Variants in ZBTB20 observed in about 807,000 individuals in gnomAD.
ZBTB20 encodes zinc finger and BTB domain-containing protein 20.
Under a neutral mutation model 56.9 loss-of-function variants are expected in ZBTB20, and 9 were observed. The ratio of observed to expected loss-of-function variants is 0.16; its 90% CI spans 0.10 to 0.28. ZBTB20 has a LOEUF of 0.28. ZBTB20 is among the 10% of genes least tolerant of loss of function. ZBTB20 has a pLI of 1.00. For missense variants in ZBTB20, 655 were observed against 1,003.0 expected, an observed-to-expected ratio of 0.65 and a Z score of 4.69; for synonymous variants, 417 against 420.7, an observed-to-expected ratio of 0.99 and a Z score of 0.11.
intron 3 of ZBTB20, among the ~76,000 whole-genome samples, chr3:114,937,246 C>G (rs933754347): frequency 6.6e-6 from 1 of 152,096 alleles, no homozygotes; most frequent in Non-Finnish European, 1.5e-5. Flanking sequence ...AGTGTAAAAG[C>G]GTTCTTATTT....
intron 5 of ZBTB20, among the ~76,000 whole-genome samples, chr3:114,726,735 AC>A (rs34132105): frequency 0.061 from 9,245 of 151,758 alleles, 287 homozygotes; most frequent in Middle Eastern, 0.13. Context: ...ACATGGTGAA[AC>A]CCCGTCTCTA....
At chr3:114,605,479 T>G (rs976447595) in intron 6 of ZBTB20, among the ~76,000 whole-genome samples, 5 of 152,208 alleles carry the variant, frequency 3.3e-5, no homozygotes, top group Admixed American at 6.5e-5. Context: ...TAGGGAGTAT[T>G]CATTCAATCA....
intron 6 of ZBTB20, among the ~76,000 whole-genome samples, chr3:114,592,622 T>A (rs748676094): frequency 6.6e-6 from 1 of 152,226 alleles, no homozygotes; most frequent in South Asian, 2.1e-4. Context: ...TAGAGCACCA[T>A]TTGTGCAAGA....
At chr3:115,055,522 A>G (rs189907901) in intron 2 of ZBTB20, among the ~76,000 whole-genome samples, 4 of 152,162 alleles carry the variant, frequency 2.6e-5, no homozygotes, top group African/African-American at 9.7e-5. Context: ...GTAATTTGTT[A>G]TATGACAATA....
intron 7 of ZBTB20, among the ~76,000 whole-genome samples, chr3:114,489,453 T>A (rs1392736590): frequency 1.3e-5 from 2 of 152,308 alleles, no homozygotes; most frequent in East Asian, 3.9e-4. Flanking sequence ...GGGGGCTTTA[T>A]GTGATATTAT....
chr3:114,711,892 C>T lies in ZBTB20; in HGVS notation c.-342-18317G>A, dbSNP rs534049341. Among the ~76,000 whole-genome samples the T allele has an allele frequency of 4.6e-5, 7 of 152,262 alleles. No homozygotes were observed. The South Asian group carries it at 8.3e-4, about 18-fold the overall frequency. On this transcript the variant is annotated intron_variant, in intron 5 of 11. Transcript: ENST00000675478. ...CTATTCTTCTATGTCTAAGCTTTGA[C>T]GATGCGCTATATAAAATTCATTCTT...
intron 6 of ZBTB20, among the ~76,000 whole-genome samples, chr3:114,602,764 C>T (rs1333450198): frequency 6.6e-6 from 1 of 151,862 alleles, no homozygotes; most frequent in African/African-American, 2.4e-5. Flanking sequence ...TATAAAACTC[C>T]CCCCAAAAAC....
At chr3:114,918,467 T>C (rs1219562165) in intron 3 of ZBTB20, among the ~76,000 whole-genome samples, 1 of 152,104 alleles carries the variant, frequency 6.6e-6, no homozygotes, top group Non-Finnish European at 1.5e-5. Flanking sequence ...GGGAATGTTC[T>C]GGATCACACC....
At chr3:114,883,493 T>C (rs7646282) in intron 4 of ZBTB20, among the ~76,000 whole-genome samples, 6,740 of 152,296 alleles carry the variant, frequency 0.044, 214 homozygotes, top group Non-Finnish European at 0.071. Flanking sequence ...CTCTCATATA[T>C]ACAAAATAAT....
At chr3:114,665,548 C>T (rs980262242) in intron 6 of ZBTB20, among the ~76,000 whole-genome samples, 1 of 151,914 alleles carries the variant, frequency 6.6e-6, no homozygotes, top group African/African-American at 2.4e-5. Flanking sequence ...AAAATTTTGG[C>T]ACTCATTAAG....
chr3:114,508,116 A>T (rs1398059749), intron 6 of ZBTB20, among the ~76,000 whole-genome samples: 2 of 152,198 alleles, frequency 1.3e-5, no homozygotes, highest in African/African-American at 4.8e-5. Context: ...TTGAAGGTCC[A>T]GAAAGTAATA....
At chr3:114,731,705 C>T (rs1324707676) in intron 5 of ZBTB20, among the ~76,000 whole-genome samples, 2 of 151,736 alleles carry the variant, frequency 1.3e-5, no homozygotes, top group African/African-American at 2.4e-5. Flanking sequence ...GTAACTAACC[C>T]GGCTGTACCT....
chr3:114,373,160 C>T (rs759198697), intron 10 of ZBTB20, among the ~76,000 whole-genome samples: 13 of 152,172 alleles, frequency 8.5e-5, no homozygotes, highest in Non-Finnish European at 1.6e-4. Flanking sequence ...ATGATCTGGC[C>T]GCCTTGGTCT....
intron 1 of ZBTB20, among the ~76,000 whole-genome samples, chr3:115,129,319 T>C (rs1399715605): frequency 6.6e-6 from 1 of 152,216 alleles, no homozygotes; most frequent in Non-Finnish European, 1.5e-5. Flanking sequence ...CATTCATCCA[T>C]TCAATTTTCT....
Position 114,380,309 on chromosome 3 carries a change from A to T in ZBTB20, c.107T>A (p.Leu36Gln). Residue 36 changes from leucine (L) to glutamine (Q), a missense_variant, in exon 10 of 12, where the codon CTG becomes CAG. Physicochemically the swap from Leu to Gln is moderately radical, Grantham distance 113 (BLOSUM62 -2). Around this residue, in one of 10 missense-constraint regions of ZBTB20, gnomAD observed 79 missense variants for 78.4 expected, o/e 1.01. Transcript: ENST00000675478. The part of the protein sequence containing the change: ...GSSAKPGLPC[L>Q]NFEAVLSPDP... ...TGGAGACAAAACAGCTTCAAAGTTCAGGCAGGGAAGGCCCGGCTTGGCGCT... is the reference window on the plus strand; with the variant it reads ...TGGAGACAAAACAGCTTCAAAGTTCTGGCAGGGAAGGCCCGGCTTGGCGCT... 6.5e-7 allele frequency: 1 copy of T among 1,537,194 alleles called. No homozygotes were observed.
At chr3:114,676,592 G>A (rs947071691) in intron 6 of ZBTB20, among the ~76,000 whole-genome samples, 1 of 151,614 alleles carries the variant, frequency 6.6e-6, no homozygotes, top group South Asian at 2.1e-4. Flanking sequence ...GATGTCCTAG[G>A]TACTACTGAA....
intron 7 of ZBTB20, among the ~76,000 whole-genome samples, chr3:114,461,949 T>C (rs1209389628): frequency 6.6e-6 from 1 of 152,230 alleles, no homozygotes; most frequent in East Asian, 1.9e-4. Context: ...CTAGGTGTCA[T>C]GGTGACTCTG....
chr3:114,916,526 C>T (rs2075752990), intron 3 of ZBTB20, among the ~76,000 whole-genome samples: 1 of 152,024 alleles, frequency 6.6e-6, no homozygotes, highest in Non-Finnish European at 1.5e-5. Flanking sequence ...TGCTCATTAA[C>T]ATCCCTTTCT....
chr3:115,054,057 C>T (rs574795067), intron 2 of ZBTB20, among the ~76,000 whole-genome samples: 75 of 152,148 alleles, frequency 4.9e-4, no homozygotes, highest in Non-Finnish European at 7.8e-4. Context: ...TCAATTTCTG[C>T]TTTGTAAAAT....
Sources: gnomAD v4.1 joint callset for allele counts (sites outside exome capture counted in the v4.1 genomes callset) on GRCh38, gnomAD v4.1.1 for gene constraint, gnomAD v4.1.1 regional missense constraint, MANE v1.5 for transcripts, NCBI Gene and HGNC (gene_info 2026-07-23, HGNC 2026-07-21) for gene names.